Variants in SLC4A7 observed in about 807,000 individuals in gnomAD.
The protein encoded by SLC4A7 is solute carrier family 4 member 7.
Under a neutral mutation model 137.6 loss-of-function variants are expected in SLC4A7, and 51 were observed. That is an observed-to-expected ratio of 0.37 (90% CI 0.30 to 0.47). The LOEUF is 0.47. Ranked by LOEUF, SLC4A7 falls within the 20% of genes least tolerant of loss-of-function variation. The pLI is 1.00. For missense variants in SLC4A7, 1,247 were observed against 1,525.4 expected, an observed-to-expected ratio of 0.82 and a Z score of 3.04; for synonymous variants, 542 against 518.6, an observed-to-expected ratio of 1.05 and a Z score of -0.61.
intron 1 of SLC4A7, among the ~76,000 whole-genome samples, chr3:27,472,421 G>A (rs2059287158): frequency 6.6e-6 from 1 of 151,850 alleles, no homozygotes; most frequent in Non-Finnish European, 1.5e-5. Flanking sequence ...AACCCCATCT[G>A]TATGGGTTGC....
Position 27,443,024 on chromosome 3 carries a change from C to CTTTTTTTTTTTTT in SLC4A7, c.290-5499_290-5498insAAAAAAAAAAAAA, listed in dbSNP as rs1156950293. ...CACCGCGCTGGGCATTCTCTTTTTT[C>CTTTTTTTTTTTTT]TTTTTTTCTTTTTTTTTTTTTTTTT... On this transcript the variant is annotated intron_variant, in intron 3 of 25. Coordinates refer to ENST00000454389, the MANE Select transcript of SLC4A7 (RefSeq NM_001321103.2). Among the ~76,000 whole-genome samples, 27 of 102,144 alleles carry CTTTTTTTTTTTTT rather than the reference C, an allele frequency of 2.6e-4. 3 individuals are homozygous for CTTTTTTTTTTTTT. The highest frequency in any genetic ancestry group is 1.5e-3 in the East Asian group (4 of 2,648). 67.0% of individuals were successfully genotyped at this position (102,144 alleles called of 152,430 possible). A position where few individuals can be genotyped will look rare whatever the true frequency, so the allele number is the denominator to read the frequency against.
rs1160931977 is a variant in SLC4A7 at position 27,374,466 on chromosome 3, T to C, written c.*2298A>G. ...GTCTCTCAATGAATGCTATCTTTGATTATTTTTCAAAAACAGTGGAAGAAA... is the reference window on the plus strand; with the variant it reads ...GTCTCTCAATGAATGCTATCTTTGACTATTTTTCAAAAACAGTGGAAGAAA... On this transcript the variant is annotated 3_prime_UTR_variant, in exon 26 of 26. Coordinates refer to ENST00000454389, the MANE Select transcript of SLC4A7 (RefSeq NM_001321103.2). 1 of 152,496 alleles carries C rather than the reference T, an allele frequency of 6.6e-6. No homozygotes were observed. The highest frequency in any genetic ancestry group is 1.5e-5 in the Non-Finnish European group (1 of 67,950). 9.4% of individuals were successfully genotyped at this position (152,496 alleles called of 1,614,324 possible). A position where few individuals can be genotyped will look rare whatever the true frequency, so the allele number is the denominator to read the frequency against.
chr3:27,473,870 C>T (rs753152082), intron 1 of SLC4A7, among the ~76,000 whole-genome samples: 2 of 151,526 alleles, frequency 1.3e-5, no homozygotes, highest in African/African-American at 2.4e-5. Flanking sequence ...GTGTGTGTAC[C>T]CAAAACAAAA....
chr3:27,420,761 G>A lies in SLC4A7; in HGVS notation c.1451C>T (p.Ala484Val), dbSNP rs767078395. 8 of 1,612,770 alleles carry A rather than the reference G, an allele frequency of 5.0e-6. No individual in the cohort carries two copies. The highest frequency in any genetic ancestry group is 4.4e-5 in the South Asian group (4 of 90,998). ...TTCATGGTACTGTGGTGCCTTGCCCGCTGGACCCAATAACAAAAACAAAAA... is the reference window on the plus strand; with the variant it reads ...TTCATGGTACTGTGGTGCCTTGCCCACTGGACCCAATAACAAAAACAAAAA... ...TRFLFLLLGP[A>V]GKAPQYHEIG... The change falls in exon 10 of 26, where the codon GCG becomes GTG. Residue 484 changes from alanine to valine, a missense_variant. Transcript: ENST00000454389.
rs148119801 is a variant in SLC4A7 at position 27,411,662 on chromosome 3, A to G, written c.1746T>C (p.Pro582=). The G allele has an allele frequency of 3.0e-5, 46 of 1,553,626 alleles. No homozygotes were observed. The highest frequency in any genetic ancestry group is 3.4e-5 in the Non-Finnish European group (39 of 1,145,468). The change falls in exon 12 of 26, where the codon CCT becomes CCC. Residue 582 remains proline (P), a synonymous_variant. Transcript: ENST00000454389. ...CCCACCGTCCAGTCCTCTGTAGCTC[A>G]GGCCCAGCATGATGAGCGGCCTCTT... ...TPKEAAHHAG[P]ELQRTGRLFG... is the part of the protein sequence containing the mutation.
chr3:27,464,641 C>T (rs1372868990), intron 1 of SLC4A7, among the ~76,000 whole-genome samples: 2 of 151,898 alleles, frequency 1.3e-5, no homozygotes, highest in African/African-American at 2.4e-5. Flanking sequence ...TGCAGTGAGC[C>T]GAGATCGCAC....
At chr3:27,428,723 A>C (rs1368162201) in intron 7 of SLC4A7, among the ~76,000 whole-genome samples, 1 of 152,200 alleles carries the variant, frequency 6.6e-6, no homozygotes, top group East Asian at 1.9e-4. Flanking sequence ...ATTTGTATAC[A>C]CATTAAATAG....
intron 3 of SLC4A7, among the ~76,000 whole-genome samples, chr3:27,439,607 T>G (rs962918207): frequency 3.9e-4 from 59 of 152,210 alleles, no homozygotes; most frequent in African/African-American, 1.4e-3. Context: ...TAAACTCACT[T>G]AGTTCTCTTA....
In SLC4A7 at chr3:27,375,422, C is replaced by A. The variant is rs775666232; in HGVS notation, c.*1342G>T. 13 of 152,208 alleles carry A rather than the reference C, an allele frequency of 8.5e-5. No individual in the cohort carries two copies. The highest frequency in any genetic ancestry group is 1.2e-4 in the Non-Finnish European group (8 of 67,846). The allele number at this position is 152,208 out of a possible 1,614,324, so 9.4% of individuals were successfully genotyped here. ...TTAACAACATTTATTTCATGTGGAA[C>A]TAAAAGTATATAAAAGATGACTAAA... On this transcript the variant is annotated 3_prime_UTR_variant, in exon 26 of 26. Transcript: ENST00000454389.
chr3:27,393,307 G>T (rs1483217762), intron 20 of SLC4A7, among the ~76,000 whole-genome samples: 1 of 152,162 alleles, frequency 6.6e-6, no homozygotes, highest in East Asian at 1.9e-4. Context: ...ATAGATTTCA[G>T]ATTTCTCATT....
chr3:27,423,080 A>T (rs2055165213), intron 8 of SLC4A7, among the ~76,000 whole-genome samples: 2 of 152,236 alleles, frequency 1.3e-5, no homozygotes, highest in Admixed American at 1.3e-4. Context: ...AGAAAAATTT[A>T]AAATACAACA....
At chr3:27,386,685 T>C (rs1245988993) in intron 22 of SLC4A7, among the ~76,000 whole-genome samples, 1 of 152,206 alleles carries the variant, frequency 6.6e-6, no homozygotes, top group Non-Finnish European at 1.5e-5. Context: ...TTTAACTGTT[T>C]TTTATACTTT....
intron 8 of SLC4A7, 190 bp downstream of exon 8, chr3:27,423,847 C>A (rs991296274): frequency 2.0e-6 from 1 of 508,708 alleles, no homozygotes; most frequent in Admixed American, 3.8e-5. Flanking sequence ...TTCAAGTACT[C>A]ACAGGTTAAC....
At chr3:27,472,981 G>A (rs1232746420) in intron 1 of SLC4A7, among the ~76,000 whole-genome samples, 1 of 152,022 alleles carries the variant, frequency 6.6e-6, no homozygotes, top group Non-Finnish European at 1.5e-5. Context: ...TCGGGAGGCT[G>A]AGGCAGGGGA....
Position 27,468,721 on chromosome 3 carries a change from T to A in SLC4A7, c.60+15346A>T, listed in dbSNP as rs1437492972. Among the ~76,000 whole-genome samples the A allele has an allele frequency of 8.5e-5, 13 of 152,276 alleles. No homozygotes were observed. The South Asian group carries it at 2.7e-3, about 32-fold the overall frequency. ...CATCTGTAGAATGGGGATAACAATA[T>A]TTATACAAATGATAGGCTAAAAAAA... On this transcript the variant is annotated intron_variant, in intron 1 of 25. Coordinates refer to ENST00000454389, the MANE Select transcript of SLC4A7 (RefSeq NM_001321103.2).
chr3:27,472,146 G>A (rs951166906), intron 1 of SLC4A7, among the ~76,000 whole-genome samples: 1 of 152,138 alleles, frequency 6.6e-6, no homozygotes, highest in Non-Finnish European at 1.5e-5. Flanking sequence ...ATCCCTCAGA[G>A]CTAATCCAGT....
chr3:27,385,012 T>A (rs1394334017), intron 23 of SLC4A7, among the ~76,000 whole-genome samples: 1 of 152,170 alleles, frequency 6.6e-6, no homozygotes, highest in Admixed American at 6.5e-5. Context: ...ATCTTAATTT[T>A]AAAAATCTGG....
chr3:27,381,146 A>T (rs1015626539), intron 24 of SLC4A7, among the ~76,000 whole-genome samples: 37 of 152,332 alleles, frequency 2.4e-4, no homozygotes, highest in African/African-American at 8.7e-4. Context: ...GATGGAAAAA[A>T]CTTTAAACAC....
At chr3:27,484,018 C>T (rs747755834) in intron 1 of SLC4A7, 49 bp downstream of exon 1, 2 of 1,335,306 alleles carry the variant, frequency 1.5e-6, no homozygotes, top group South Asian at 1.7e-5. Flanking sequence ...GTCTGCCTCG[C>T]CCCGCGCCCT....
Sources: gnomAD v4.1 joint callset for allele counts (sites outside exome capture counted in the v4.1 genomes callset) on GRCh38, gnomAD v4.1.1 for gene constraint, MANE v1.5 for transcripts, NCBI Gene and HGNC (gene_info 2026-07-23, HGNC 2026-07-21) for gene names.